Variants in SUCLG2 observed in about 807,000 individuals in gnomAD.
SUCLG2 encodes the protein succinate--CoA ligase [GDP-forming] subunit beta, mitochondrial.
SUCLG2 carries 42 observed loss-of-function variants against 47.9 expected under a neutral mutation model. That is an observed-to-expected ratio of 0.88 (90% CI 0.69 to 1.14). The LOEUF (loss-of-function observed/expected upper bound fraction) is 1.14. Among genes scored for constraint, SUCLG2 ranks in the 50% most tolerant of loss-of-function variants. SUCLG2 has a pLI of 0.00. For missense variants in SUCLG2, 571 were observed against 525.9 expected (o/e 1.09, Z -0.84); for synonymous variants, 195 against 197.3 (o/e 0.99, Z 0.10).
intron 2 of SUCLG2, among the ~76,000 whole-genome samples, chr3:67,534,238 T>C (rs999313193): frequency 6.6e-6 from 1 of 152,024 alleles, no homozygotes; most frequent in African/African-American, 2.4e-5. Flanking sequence ...GATTCCCTAT[T>C]ATGAAAAAAA....
intron 10 of SUCLG2, among the ~76,000 whole-genome samples, chr3:67,396,952 G>T (rs1329759891): frequency 2.0e-5 from 3 of 151,756 alleles, no homozygotes; most frequent in Non-Finnish European, 4.4e-5. Flanking sequence ...TGCAGAAAAG[G>T]CCTTTGACAA....
chr3:67,569,914 T>C (rs916474201), intron 2 of SUCLG2, among the ~76,000 whole-genome samples: 1 of 152,160 alleles, frequency 6.6e-6, no homozygotes, highest in Non-Finnish European at 1.5e-5. Flanking sequence ...ATGGGCTGTT[T>C]GTAAACCTCC....
intron 3 of SUCLG2, among the ~76,000 whole-genome samples, chr3:67,528,540 G>C (rs11926543): frequency 6.6e-5 from 10 of 152,142 alleles, no homozygotes; most frequent in Non-Finnish European, 1.3e-4. Flanking sequence ...CTGAAGATCC[G>C]ACAGTGGAAA....
At chr3:67,393,339 G>A (rs2106795088) in intron 10 of SUCLG2, among the ~76,000 whole-genome samples, 1 of 152,380 alleles carries the variant, frequency 6.6e-6, no homozygotes, top group Non-Finnish European at 1.5e-5. Context: ...TTTTCCGACG[G>A]GCTTAAAAAA....
At chr3:67,421,395 C>G (rs1195098094) in intron 9 of SUCLG2, among the ~76,000 whole-genome samples, 1 of 152,156 alleles carries the variant, frequency 6.6e-6, no homozygotes, top group Non-Finnish European at 1.5e-5. Flanking sequence ...ATCAAAGAAG[C>G]AGGGATGCAT....
intron 1 of SUCLG2, among the ~76,000 whole-genome samples, chr3:67,625,859 C>A (rs540437579): frequency 6.6e-6 from 1 of 151,880 alleles, no homozygotes; most frequent in African/African-American, 2.4e-5. Flanking sequence ...CTAAACCAAG[C>A]TGCTATATTC....
chr3:67,594,552 A>G (rs553090207), intron 2 of SUCLG2, among the ~76,000 whole-genome samples: 1 of 152,266 alleles, frequency 6.6e-6, no homozygotes, highest in East Asian at 1.9e-4. Flanking sequence ...TGACTATCCT[A>G]TAACATGAAA....
chr3:67,621,967 A>G (rs1295382663), intron 1 of SUCLG2, among the ~76,000 whole-genome samples: 3 of 152,164 alleles, frequency 2.0e-5, no homozygotes, highest in African/African-American at 4.8e-5. Context: ...CTTTGATCTT[A>G]TAACTTTCTT....
intron 9 of SUCLG2, among the ~76,000 whole-genome samples, chr3:67,467,385 C>A (rs1704500885): frequency 6.6e-6 from 1 of 152,176 alleles, no homozygotes; most frequent in African/African-American, 2.4e-5. Flanking sequence ...CACGTCATAC[C>A]TGCTTAATCT....
intron 1 of SUCLG2, among the ~76,000 whole-genome samples, chr3:67,621,580 T>G (rs908016227): frequency 2.0e-4 from 30 of 152,282 alleles, no homozygotes; most frequent in African/African-American, 6.5e-4. Flanking sequence ...CTGAGAGCTT[T>G]GCCCTCATGA....
intron 2 of SUCLG2, among the ~76,000 whole-genome samples, chr3:67,529,896 A>G (rs1039611854): frequency 6.6e-6 from 1 of 152,248 alleles, no homozygotes; most frequent in African/African-American, 2.4e-5. Flanking sequence ...CTTCCCTTGC[A>G]GGGAAGTTGG....
intron 2 of SUCLG2, among the ~76,000 whole-genome samples, chr3:67,592,746 A>C (rs1235992651): frequency 1.3e-5 from 2 of 149,318 alleles, no homozygotes; most frequent in Non-Finnish European, 3.0e-5. Context: ...ACAACAAAAA[A>C]AAACTGAATA....
chr3:67,650,237 T>C (rs1015723171), intron 1 of SUCLG2, among the ~76,000 whole-genome samples: 1 of 152,220 alleles, frequency 6.6e-6, no homozygotes, highest in African/African-American at 2.4e-5. Flanking sequence ...CTCATTTAGC[T>C]GATAAGAACT....
chr3:67,440,828 C>T (rs1703741669), intron 9 of SUCLG2, among the ~76,000 whole-genome samples: 1 of 152,154 alleles, frequency 6.6e-6, no homozygotes, highest in Non-Finnish European at 1.5e-5. Flanking sequence ...GGTAATTCCT[C>T]AAGGATCTAG....
At chr3:67,579,518 A>G (rs111357975) in intron 2 of SUCLG2, among the ~76,000 whole-genome samples, 12 of 152,306 alleles carry the variant, frequency 7.9e-5, no homozygotes, top group African/African-American at 2.9e-4. Context: ...AATCAGGGGT[A>G]AAATTCGAAC....
At chr3:67,363,969 G>A (rs1457322691) in intron 10 of SUCLG2, among the ~76,000 whole-genome samples, 1 of 152,180 alleles carries the variant, frequency 6.6e-6, no homozygotes, top group African/African-American at 2.4e-5. Flanking sequence ...ATATCCCAGA[G>A]TTGGAACTGA....
At chr3:67,413,094 G>T (rs968349541) in intron 9 of SUCLG2, among the ~76,000 whole-genome samples, 1 of 152,116 alleles carries the variant, frequency 6.6e-6, no homozygotes, top group African/African-American at 2.4e-5. Flanking sequence ...TTGGGACATG[G>T]CTAATACCTA....
chr3:67,630,491 T>C (rs1052648891), intron 1 of SUCLG2, among the ~76,000 whole-genome samples: 2 of 152,250 alleles, frequency 1.3e-5, no homozygotes, highest in African/African-American at 4.8e-5. Context: ...GATTTAAATA[T>C]GGTTTTGTGG....
At chr3:67,363,497 T>C (rs759889619) in intron 10 of SUCLG2, among the ~76,000 whole-genome samples, 12 of 152,096 alleles carry the variant, frequency 7.9e-5, no homozygotes, top group Non-Finnish European at 1.2e-4. Context: ...AAAACGCCCG[T>C]CATACAGTCT....
Sources: allele counts gnomAD v4.1 joint callset (sites outside exome capture counted in the v4.1 genomes callset), GRCh38; gene constraint gnomAD v4.1.1; transcripts MANE v1.5; gene names NCBI Gene and HGNC (gene_info 2026-07-23, HGNC 2026-07-21).